TMX3: variants seen among roughly 807,000 people sequenced by gnomAD.
TMX3 encodes thioredoxin related transmembrane protein 3.
A neutral mutation model predicts 64.4 loss-of-function variants in TMX3; 40 were observed. The observed-to-expected ratio is 0.62, with a 90% CI of 0.48 to 0.81. The LOEUF (loss-of-function observed/expected upper bound fraction) is 0.81. Among genes scored for constraint, TMX3 ranks in the 30% least tolerant of loss-of-function variants. TMX3 has a pLI of 0.00. For synonymous variants in TMX3, 189 were observed against 175.7 expected, an observed-to-expected ratio of 1.08 and a Z score of -0.60; for missense variants, 497 against 534.5, an observed-to-expected ratio of 0.93 and a Z score of 0.69.
chr18:68,684,510 A>T, intron 10 of TMX3, 25 bp from the exon 11 acceptor site: 1 of 1,601,774 alleles, frequency 6.2e-7, no homozygotes, highest in Non-Finnish European at 8.5e-7. Context: ...GACACATCTG[A>T]ATTCAATCAC....
At chr18:68,693,006 A>G (rs1417759899) in intron 8 of TMX3, among the ~76,000 whole-genome samples, 1 of 152,226 alleles carries the variant, frequency 6.6e-6, no homozygotes, top group Non-Finnish European at 1.5e-5. Context: ...ATGAGGGCTT[A>G]GCATAAATTC....
chr18:68,687,774 C>G lies in TMX3; in HGVS notation c.638-9G>C, dbSNP rs1366483245. On this transcript the variant is annotated splice_polypyrimidine_tract_variant and intron_variant, in intron 9 of 15. Coordinates refer to ENST00000299608, the MANE Select transcript of TMX3 (RefSeq NM_019022.5). ...ATCACCATCTTCATACTCTTAAAAC[C>G]AAGACAAAGTTGACAAATTACAGTA... is the stretch of plus-strand genomic sequence containing the variant. 6.3e-7 allele frequency: 1 copy of G among 1,595,416 alleles called. No homozygotes were observed.
intron 4 of TMX3, among the ~76,000 whole-genome samples, chr18:68,705,062 T>C (rs995230817): frequency 3.9e-5 from 6 of 152,188 alleles, no homozygotes; most frequent in Admixed American, 2.0e-4. Flanking sequence ...AGGTATAACA[T>C]ATGGCAGTGG....
intron 15 of TMX3, 119 bp from the exon 16 acceptor site, chr18:68,677,312 C>A (rs1375209207): frequency 3.8e-6 from 4 of 1,052,858 alleles, no homozygotes; most frequent in Non-Finnish European, 5.4e-6. Context: ...TTTTTAGTTC[C>A]AATGAATCAA....
chr18:68,701,858 G>T, intron 4 of TMX3, 68 bp from the exon 5 acceptor site: 3 of 1,289,694 alleles, frequency 2.3e-6, no homozygotes, highest in African/African-American at 1.5e-5. Context: ...AACAAATGAG[G>T]CTTTTACTTT....
intron 5 of TMX3, chr18:68,700,921 T>C: frequency 2.0e-6 from 2 of 985,036 alleles, no homozygotes; most frequent in Non-Finnish European, 2.4e-6. Context: ...GCTCCAACAT[T>C]ACAGAGTAAA....
chr18:68,681,328 T>G, intron 13 of TMX3: 3 of 597,994 alleles, frequency 5.0e-6, no homozygotes, highest in Non-Finnish European at 6.8e-6. Flanking sequence ...GGATACGCAA[T>G]TCATCTTTAA....
intron 13 of TMX3, chr18:68,681,419 T>C (rs1455304228): frequency 3.1e-6 from 3 of 964,152 alleles, no homozygotes; most frequent in Admixed American, 6.1e-5. Context: ...GTCTGCACAA[T>C]TCAAACTTAT....
intron 4 of TMX3, among the ~76,000 whole-genome samples, chr18:68,708,017 GTA>G (rs1379077758): frequency 5.5e-5 from 7 of 127,812 alleles, no homozygotes; most frequent in Admixed American, 1.4e-4. Context: ...GTGTATATGT[GTA>G]TATATGTGTA....
At chr18:68,697,905 T>C (rs1042378462) in intron 7 of TMX3, 27 bp downstream of exon 7, 1 of 1,453,010 alleles carries the variant, frequency 6.9e-7, no homozygotes, top group South Asian at 1.2e-5. Context: ...AATACATCTG[T>C]TTTTGTGGAT....
Position 68,701,778 on chromosome 18 carries a change from T to C in TMX3, c.278A>G (p.Glu93Gly). 6.2e-7 allele frequency: 1 copy of C among 1,611,498 alleles called. No individual in the cohort carries two copies. Among genetic ancestry groups the C allele is most frequent in the Non-Finnish European group, 8.5e-7 (1 of 1,179,172 alleles). The change falls in exon 5 of 16, where the codon GAG (glutamate) becomes GGG (glycine). Residue 93 changes from glutamate (E) to glycine (G), a missense_variant. Transcript: ENST00000299608. ...TGTTGGATAACCTCGAACTCCAAAC[T>C]CTGAAGCAATGCCTTGATAAGAAAA... is the stretch of plus-strand genomic sequence containing the variant. ...DATSYSSIAS[E>G]FGVRGYPTIK...
chr18:68,690,625 C>A (rs1027409992), intron 9 of TMX3, among the ~76,000 whole-genome samples: 1 of 152,042 alleles, frequency 6.6e-6, no homozygotes, highest in Non-Finnish European at 1.5e-5. Context: ...TAAAGAGATG[C>A]GTAATATAAA....
chr18:68,711,169 G>A (rs985422664), intron 3 of TMX3, among the ~76,000 whole-genome samples, 195 bp downstream of exon 3: 4 of 152,004 alleles, frequency 2.6e-5, no homozygotes, highest in African/African-American at 7.2e-5. Context: ...TCAAAAATAC[G>A]TTCCCTCGCA....
chr18:68,691,552 A>G (rs1403530907), intron 8 of TMX3, among the ~76,000 whole-genome samples, 191 bp from the exon 9 acceptor site: 1 of 152,238 alleles, frequency 6.6e-6, no homozygotes, highest in African/African-American at 2.4e-5. Flanking sequence ...CTTTTTATAT[A>G]TCCCCTTGTA....
intron 8 of TMX3, among the ~76,000 whole-genome samples, chr18:68,696,376 G>A (rs1459168823): frequency 6.6e-6 from 1 of 152,110 alleles, no homozygotes; most frequent in Non-Finnish European, 1.5e-5. Context: ...GTTTCAACAT[G>A]TTGGCCAGGC....
At chr18:68,690,091 A>G (rs1227655153) in intron 9 of TMX3, 1 of 151,774 alleles carries the variant, frequency 6.6e-6, no homozygotes. Context: ...TAATAAAACA[A>G]ATTGTTCCTT....
chr18:68,702,499 A>C (rs1050922891), intron 4 of TMX3, among the ~76,000 whole-genome samples: 1 of 152,208 alleles, frequency 6.6e-6, no homozygotes, highest in Non-Finnish European at 1.5e-5. Flanking sequence ...ATAAGACCTT[A>C]AACAGTAGAG....
In TMX3 at chr18:68,691,364, G is replaced by A. The variant is rs375820709; in HGVS notation, c.571-3C>T. 4.0e-6 allele frequency: 6 copies of A among 1,491,014 alleles called. No homozygotes were observed. The highest frequency in any genetic ancestry group is 2.2e-5 in the Admixed American group (1 of 45,796). 92.4% of individuals were successfully genotyped at this position (1,491,014 alleles called of 1,614,324 possible). ...GGCATCTCTTTTAGTGTCACATACTGCAAAAAATCAGAAGTTTAAATAACT... is the reference window on the plus strand; with the variant it reads ...GGCATCTCTTTTAGTGTCACATACTACAAAAAATCAGAAGTTTAAATAACT... On this transcript the variant is annotated splice_region_variant and splice_polypyrimidine_tract_variant and intron_variant, in intron 8 of 15. Transcript: ENST00000299608.
At chr18:68,704,563 A>T (rs2030473493) in intron 4 of TMX3, among the ~76,000 whole-genome samples, 2 of 152,226 alleles carry the variant, frequency 1.3e-5, no homozygotes, top group East Asian at 3.8e-4. Flanking sequence ...GCAAACATTG[A>T]TTAGGTAGCG....
Sources: allele counts gnomAD v4.1 joint callset (sites outside exome capture counted in the v4.1 genomes callset), GRCh38; gene constraint gnomAD v4.1.1; transcripts MANE v1.5; gene names NCBI Gene and HGNC (gene_info 2026-07-23, HGNC 2026-07-21).